HELQ: variants seen among roughly 807,000 people sequenced by gnomAD.
HELQ encodes the protein helicase POLQ-like.
In HELQ, 77 loss-of-function variants were observed where a neutral mutation model predicts 111.6. That is an observed-to-expected ratio of 0.69 (90% CI 0.57 to 0.83). The LOEUF is 0.83. Ranked by LOEUF, HELQ falls within the 40% of genes least tolerant of loss-of-function variation. HELQ has a pLI of 0.00. For synonymous variants in HELQ, 438 were observed against 454.7 expected, an observed-to-expected ratio of 0.96 and a Z score of 0.47; for missense variants, 1,200 against 1,288.5, an observed-to-expected ratio of 0.93 and a Z score of 1.05.
At chr4:83,442,804 G>A (rs557060626) in intron 6 of HELQ, among the ~76,000 whole-genome samples, 5 of 152,040 alleles carry the variant, frequency 3.3e-5, no homozygotes, top group South Asian at 4.2e-4. Flanking sequence ...CTCATGCCCC[G>A]GCCTCTTAAA....
In HELQ at chr4:83,455,805, AG is replaced by A; in HGVS notation, c.-113del. ...CCGCTTCTACATCCACCTTGGGAAA[AG>A]ACCCCAAGTTAGCTCTCAGGGCTCG... On this transcript the variant is annotated 5_prime_UTR_variant, in exon 1 of 18. Transcript: ENST00000295488. 9.1e-7 allele frequency: 1 copy of A among 1,093,220 alleles called. No homozygotes were observed. The highest frequency in any genetic ancestry group is 1.3e-6 in the Non-Finnish European group (1 of 753,462). The allele number at this position is 1,093,220 out of a possible 1,614,324, so 67.7% of individuals were successfully genotyped here.
At chr4:83,410,947 T>C (rs1739052015) in intron 17 of HELQ, among the ~76,000 whole-genome samples, 1 of 150,900 alleles carries the variant, frequency 6.6e-6, no homozygotes, top group Admixed American at 6.6e-5. Context: ...GCCCAGGAGT[T>C]CGAGACCAAA....
intron 5 of HELQ, among the ~76,000 whole-genome samples, chr4:83,445,589 A>G (rs938751235): frequency 1.3e-4 from 20 of 152,046 alleles, no homozygotes; most frequent in African/African-American, 4.6e-4. Flanking sequence ...TATTATTATA[A>G]TATTTATGTT....
chr4:83,411,469 T>C (rs34253109), intron 17 of HELQ, among the ~76,000 whole-genome samples: 1 of 151,192 alleles, frequency 6.6e-6, no homozygotes, highest in African/African-American at 2.4e-5. Flanking sequence ...TTAGGCATAG[T>C]GGTGCCCGCC....
At chr4:83,444,817 T>C (rs1720965647) in intron 5 of HELQ, among the ~76,000 whole-genome samples, 1 of 152,146 alleles carries the variant, frequency 6.6e-6, no homozygotes, top group African/African-American at 2.4e-5. Flanking sequence ...AAATTAGGGA[T>C]TTATGCAGAA....
At chr4:83,434,281 G>GA (rs1175993351) in intron 9 of HELQ, among the ~76,000 whole-genome samples, 1 of 151,966 alleles carries the variant, frequency 6.6e-6, no homozygotes, top group African/African-American at 2.4e-5. Flanking sequence ...TGAGGCAGGA[G>GA]AATCGCTTGA....
In HELQ at chr4:83,446,914, A is replaced by G; in HGVS notation, c.1313T>C (p.Ile438Thr). 1 of 1,612,588 alleles carries G rather than the reference A, an allele frequency of 6.2e-7. No individual in the cohort carries two copies. The highest frequency in any genetic ancestry group is 8.5e-7 in the Non-Finnish European group (1 of 1,178,572). Reference sequence around the variant, plus strand: ...GTTCACCAAGCTATGTCCTTTTTCAATAGTGGCAATATAGAGTGATTTCTT... The same window carrying G: ...GTTCACCAAGCTATGTCCTTTTTCAGTAGTGGCAATATAGAGTGATTTCTT... ...REKKSLYIAT[I>T]EKGHSLVNSL... Residue 438 changes from isoleucine (I) to threonine (T), a missense_variant, in exon 4 of 18, where the codon ATT (isoleucine) becomes ACT (threonine). By Grantham distance (89) the Ile-to-Thr change is moderately conservative (BLOSUM62 -1). This residue lies in a region of HELQ where 610 missense variants were observed against 607.1 expected (regional missense o/e 1.00). Transcript: ENST00000295488.
At position 83,455,570 on chromosome 4, in the gene HELQ, CT is replaced by C. The variant is rs1436421930; in HGVS notation, c.123del (p.Glu42ArgfsTer79). On this transcript the variant is annotated frameshift_variant, in exon 1 of 18. Coordinates refer to ENST00000295488, the MANE Select transcript of HELQ (RefSeq NM_133636.5). LOFTEE classifies it high-confidence loss of function. ...AAELVPGDEG[K>X]EEEEMVAENR... The stretch of plus-strand genomic sequence containing the variant: ...TTCTCAGCCACCATTTCCTCCTCCT[CT>C]TTCCCCTCATCTCCGGGCACGAGCT... 6.2e-7 allele frequency: 1 copy of C among 1,614,216 alleles called. No homozygotes were observed. Among genetic ancestry groups the C allele is most frequent in the East Asian group, 2.2e-5 (1 of 44,876 alleles).
intron 15 of HELQ, 87 bp downstream of exon 15, chr4:83,421,476 G>A (rs1739678841): frequency 1.1e-6 from 1 of 916,376 alleles, no homozygotes; most frequent in Admixed American, 2.6e-5. Context: ...AGAAAATGCT[G>A]ACATACTGAC....
At position 83,447,137 on chromosome 4, in the gene HELQ, C is replaced by T. The variant is rs1256734227; in HGVS notation, c.1192-102G>A. 1.3e-5 allele frequency: 10 copies of T among 781,992 alleles called. No individual in the cohort carries two copies. The African/African-American group carries it at 1.8e-4, about 14-fold the overall frequency. 48.4% of individuals were successfully genotyped at this position (781,992 alleles called of 1,614,324 possible). A position where few individuals can be genotyped will look rare whatever the true frequency, so the allele number is the denominator to read the frequency against. On this transcript the variant is annotated intron_variant, in intron 3 of 17. Coordinates refer to ENST00000295488, the MANE Select transcript of HELQ (RefSeq NM_133636.5). ...CTGAGGCGGGAAGATCACTTGAGCC[C>T]AGGAAGGTGAGACCAGCCTGGGCAA...
chr4:83,430,054 C>T (rs775932933), intron 11 of HELQ, among the ~76,000 whole-genome samples: 2 of 151,586 alleles, frequency 1.3e-5, no homozygotes, highest in South Asian at 2.1e-4. Context: ...TATTTACTCC[C>T]CAACCAATTT....
At chr4:83,432,098 A>G (rs1720184522) in intron 10 of HELQ, 28 bp downstream of exon 10, 11 of 1,525,434 alleles carry the variant, frequency 7.2e-6, no homozygotes, top group Non-Finnish European at 9.7e-6. Context: ...AAAGACAAAA[A>G]CAACCAACCA....
chr4:83,414,065 G>A lies in HELQ; in HGVS notation c.3198+2666C>T, dbSNP rs1463424628. Among the ~76,000 whole-genome samples, 6 of 152,184 alleles carry A rather than the reference G, an allele frequency of 3.9e-5. No individual in the cohort carries two copies. The East Asian group carries it at 5.8e-4, about 15-fold the overall frequency. ...TTGGAGTTAGACTCTGTTATGTAGC[G>A]TATGTACGTGGAAAAATCAGAATTA... On this transcript the variant is annotated intron_variant, in intron 17 of 17. Coordinates refer to ENST00000295488, the MANE Select transcript of HELQ (RefSeq NM_133636.5).
At chr4:83,428,809 T>G (rs1035828100) in intron 12 of HELQ, among the ~76,000 whole-genome samples, 7 of 151,836 alleles carry the variant, frequency 4.6e-5, no homozygotes, top group Non-Finnish European at 1.0e-4. Context: ...TTTTTTTAAT[T>G]TATAAAAAGT....
chr4:83,429,903 C>T (rs1002257382), intron 11 of HELQ, among the ~76,000 whole-genome samples, 157 bp from the exon 12 acceptor site: 15 of 151,870 alleles, frequency 9.9e-5, no homozygotes, highest in Admixed American at 3.3e-4. Context: ...TTTATAATGG[C>T]AATTAAAAAT....
intron 17 of HELQ, among the ~76,000 whole-genome samples, chr4:83,411,604 A>AAAATAAATAAATAAATAAATAAATAAAT (rs147373472): frequency 6.7e-6 from 1 of 150,100 alleles, no homozygotes; most frequent in African/African-American, 2.5e-5. Flanking sequence ...ACCCTGTCTC[A>AAAATAAATAAATAAATAAATAAATAAAT]AAATAAATAA....
intron 13 of HELQ, among the ~76,000 whole-genome samples, chr4:83,426,332 T>A (rs189743888): frequency 6.6e-6 from 1 of 152,142 alleles, no homozygotes; most frequent in Non-Finnish European, 1.5e-5. Flanking sequence ...TATGACTATA[T>A]TTAATACCAG....
At chr4:83,444,240 C>T (rs545272273) in intron 5 of HELQ, among the ~76,000 whole-genome samples, 139 of 152,166 alleles carry the variant, frequency 9.1e-4, no homozygotes, top group African/African-American at 2.9e-3. Context: ...ATCCCCTTTA[C>T]GAAGAGCTAT....
chr4:83,408,042 G>A (rs945633121), intron 17 of HELQ, among the ~76,000 whole-genome samples: 11 of 152,056 alleles, frequency 7.2e-5, no homozygotes, highest in African/African-American at 2.6e-4. Context: ...GCAACATAAT[G>A]AGCAAAAAAA....
Sources: allele counts gnomAD v4.1 joint callset (sites outside exome capture counted in the v4.1 genomes callset), GRCh38; gene constraint gnomAD v4.1.1; regional missense constraint gnomAD v4.1.1; transcripts MANE v1.5; gene names NCBI Gene and HGNC (gene_info 2026-07-23, HGNC 2026-07-21).